LINGO2: variants seen among roughly 807,000 people sequenced by gnomAD.
LINGO2 encodes the protein leucine-rich repeat and immunoglobulin-like domain-containing nogo receptor-interacting protein 2.
A neutral mutation model predicts 30.6 loss-of-function variants in LINGO2; 14 were observed. That is an observed-to-expected ratio of 0.46 (90% CI 0.30 to 0.72). The LOEUF (loss-of-function observed/expected upper bound fraction) is 0.72. LINGO2 is among the 30% of genes least tolerant of loss of function. The pLI is 0.07. For missense variants in LINGO2, 729 were observed against 751.7 expected, an observed-to-expected ratio of 0.97 and a Z score of 0.35; for synonymous variants, 317 against 288.5, an observed-to-expected ratio of 1.10 and a Z score of -1.00.
At chr9:28,868,891 A>T in the LINGO2 span, among the ~76,000 whole-genome samples, 1 of 152,052 alleles carries the variant, frequency 6.6e-6, no homozygotes, top group South Asian at 2.1e-4. Flanking sequence ...CCAACTCACA[A>T]CATTTGCAAT....
At chr9:28,880,246 T>C in the LINGO2 span, among the ~76,000 whole-genome samples, 1 of 152,140 alleles carries the variant, frequency 6.6e-6, no homozygotes, top group Admixed American at 6.6e-5. Flanking sequence ...ACTGTGTCTA[T>C]GTAGAAAGGA....
At chr9:29,190,232 TAA>T in the LINGO2 span, among the ~76,000 whole-genome samples, 3 of 152,122 alleles carry the variant, frequency 2.0e-5, no homozygotes, top group African/African-American at 4.8e-5. Context: ...AGCAACAGAT[TAA>T]AAAGTCATCA....
At chr9:28,477,768 A>C (rs1470289649) in intron 1 of LINGO2, among the ~76,000 whole-genome samples, 3 of 152,180 alleles carry the variant, frequency 2.0e-5, no homozygotes, top group African/African-American at 7.2e-5. Context: ...CATAATTCAT[A>C]GCGTAAATCA....
At chr9:28,550,037 G>C (rs1223210306) in intron 1 of LINGO2, among the ~76,000 whole-genome samples, 1 of 151,732 alleles carries the variant, frequency 6.6e-6, no homozygotes, top group Non-Finnish European at 1.5e-5. Flanking sequence ...TCCTATGATT[G>C]CTGTTAAAAG....
At chr9:29,064,911 T>A in the LINGO2 span, among the ~76,000 whole-genome samples, 1 of 152,116 alleles carries the variant, frequency 6.6e-6, no homozygotes, top group African/African-American at 2.4e-5. Flanking sequence ...ATGACAGGCT[T>A]AGAGAAATTA....
chr9:28,043,261 A>G (rs1824272933), intron 4 of LINGO2, among the ~76,000 whole-genome samples: 1 of 152,216 alleles, frequency 6.6e-6, no homozygotes, highest in African/African-American at 2.4e-5. Flanking sequence ...TAAGAAGTGG[A>G]ATAACAAGGC....
At chr9:28,443,061 T>C (rs1166661247) in intron 2 of LINGO2, among the ~76,000 whole-genome samples, 1 of 152,110 alleles carries the variant, frequency 6.6e-6, no homozygotes, top group East Asian at 1.9e-4. Flanking sequence ...GTACTTCAGT[T>C]ATAATTTTAT....
chr9:28,991,371 G>A, the LINGO2 span, among the ~76,000 whole-genome samples: 1 of 151,548 alleles, frequency 6.6e-6, no homozygotes, highest in African/African-American at 2.4e-5. Flanking sequence ...TATGTGAAAA[G>A]ACCAAATCTA....
At chr9:28,986,418 T>C in the LINGO2 span, among the ~76,000 whole-genome samples, 1 of 152,032 alleles carries the variant, frequency 6.6e-6, no homozygotes, top group African/African-American at 2.4e-5. Context: ...ACAATAACAA[T>C]GGAATTTCAA....
chr9:29,189,552 TCCTCACTTCCTAGATGGGATGGC>T, the LINGO2 span, among the ~76,000 whole-genome samples: 6 of 148,432 alleles, frequency 4.0e-5, no homozygotes. Flanking sequence ...GCAGAGACGC[TCCTCACTTCCTAGATGGGATGGC>T]GGCCAGGCAG....
exon 6 of LINGO2, chr9:27,949,962 A>G (rs909486510): frequency 6.2e-7 from 1 of 1,613,956 alleles, no homozygotes; most frequent in African/African-American, 1.3e-5. Context: ...CATATCCAGT[A>G]AAGGCCAATA....
intron 4 of LINGO2, among the ~76,000 whole-genome samples, chr9:28,197,411 T>G (rs1267884864): frequency 6.6e-6 from 1 of 151,654 alleles, no homozygotes; most frequent in East Asian, 1.9e-4. Context: ...CAACCAGAAA[T>G]AAAAATTTAG....
intron 4 of LINGO2, among the ~76,000 whole-genome samples, chr9:28,142,063 A>G (rs1334354103): frequency 6.6e-6 from 1 of 152,138 alleles, no homozygotes; most frequent in East Asian, 1.9e-4. Context: ...GATTACTAAT[A>G]GAAAGTGTAT....
At chr9:28,863,612 T>C in the LINGO2 span, 1 of 509,058 alleles carries the variant, frequency 2.0e-6, no homozygotes, top group Non-Finnish European at 4.0e-6. Context: ...GTAGATCAAC[T>C]GCAGAAGCAC....
At chr9:28,270,379 C>G (rs1822898524) in intron 4 of LINGO2, among the ~76,000 whole-genome samples, 1 of 151,944 alleles carries the variant, frequency 6.6e-6, no homozygotes. Flanking sequence ...GCTGGCAGCA[C>G]TAGCAATCTA....
At chr9:28,315,701 C>T (rs1227012399) in intron 3 of LINGO2, among the ~76,000 whole-genome samples, 1 of 152,098 alleles carries the variant, frequency 6.6e-6, no homozygotes, top group Non-Finnish European at 1.5e-5. Flanking sequence ...TGGAATGTGG[C>T]ACTCCCAGCA....
chr9:28,338,833 C>T (rs143542795), intron 3 of LINGO2, among the ~76,000 whole-genome samples: 2,161 of 152,198 alleles, frequency 0.014, 72 homozygotes, highest in Admixed American at 0.062. Flanking sequence ...TCAATTAAAC[C>T]TCTTTCCTTT....
the LINGO2 span, among the ~76,000 whole-genome samples, chr9:29,030,017 C>A: frequency 6.6e-6 from 1 of 151,866 alleles, no homozygotes; most frequent in Non-Finnish European, 1.5e-5. Flanking sequence ...AAATTTGGTA[C>A]TAGCTGGTGT....
At chr9:28,664,005 C>G (rs543668423) in intron 1 of LINGO2, among the ~76,000 whole-genome samples, 279 of 152,110 alleles carry the variant, frequency 1.8e-3, no homozygotes, top group African/African-American at 6.4e-3. Context: ...AAAATGTTAT[C>G]TATAGATAAT....
Sources: allele counts gnomAD v4.1 joint callset (sites outside exome capture counted in the v4.1 genomes callset), GRCh38; gene constraint gnomAD v4.1.1; transcripts MANE v1.5; gene names NCBI Gene and HGNC (gene_info 2026-07-23, HGNC 2026-07-21).